The following ABCD2 variants were observed in gnomAD, a reference collection of about 807,000 sequenced individuals.
The protein encoded by ABCD2 is ATP binding cassette subfamily D member 2.
ABCD2 carries 36 observed loss-of-function variants against 70.9 expected under a neutral mutation model. That is an observed-to-expected ratio of 0.51 (90% CI 0.39 to 0.67). The LOEUF is 0.67. Ranked by LOEUF, ABCD2 falls within the 30% of genes least tolerant of loss-of-function variation. ABCD2 has a pLI of 0.00. For missense variants in ABCD2, 729 were observed against 890.2 expected (o/e 0.82, Z 2.30); for synonymous variants, 304 against 306.9 (o/e 0.99, Z 0.10).
chr12:39,587,919 A>C (rs1041778797), intron 6 of ABCD2, among the ~76,000 whole-genome samples: 4 of 152,246 alleles, frequency 2.6e-5, no homozygotes, highest in African/African-American at 9.6e-5. Context: ...ATTTCAGTCA[A>C]AGACAGAAAG....
At chr12:39,582,258 C>A (rs1015632013) in intron 7 of ABCD2, among the ~76,000 whole-genome samples, 1 of 152,148 alleles carries the variant, frequency 6.6e-6, no homozygotes, top group Non-Finnish European at 1.5e-5. Context: ...AGAACACTGA[C>A]TTTCAAGTCA....
chr12:39,577,859 G>A (rs1007736819), intron 8 of ABCD2, among the ~76,000 whole-genome samples: 9 of 152,054 alleles, frequency 5.9e-5, no homozygotes, highest in African/African-American at 2.2e-4. Flanking sequence ...CGAAACATTA[G>A]ACTTGTTAAA....
At chr12:39,566,097 T>C (rs986322811) in intron 9 of ABCD2, among the ~76,000 whole-genome samples, 1 of 152,162 alleles carries the variant, frequency 6.6e-6, no homozygotes, top group Non-Finnish European at 1.5e-5. Flanking sequence ...TCTCTTTTTT[T>C]GTTGTGTCTC....
At chr12:39,545,414 C>A (rs1941016674), downstream of ABCD2, among the ~76,000 whole-genome samples, 1 of 152,084 alleles carries the variant, frequency 6.6e-6, no homozygotes, top group South Asian at 2.1e-4. Flanking sequence ...CGCCTCACAA[C>A]ATGCAATGAA....
intron 7 of ABCD2, among the ~76,000 whole-genome samples, chr12:39,584,868 T>C (rs1210923149): frequency 2.0e-5 from 3 of 152,186 alleles, no homozygotes; most frequent in Admixed American, 6.5e-5. Context: ...TTCTGTTTCA[T>C]TGGTCTCTGT....
At chr12:39,580,709 ATACT>A (rs1178436899) in intron 7 of ABCD2, among the ~76,000 whole-genome samples, 1 of 152,194 alleles carries the variant, frequency 6.6e-6, no homozygotes, top group African/African-American at 2.4e-5. Flanking sequence ...AACCTAACAG[ATACT>A]TACAGCAAAA....
chr12:39,532,497 A>G, the ABCD2 span, among the ~76,000 whole-genome samples: 1 of 152,206 alleles, frequency 6.6e-6, no homozygotes, highest in African/African-American at 2.4e-5. Context: ...ACAAATTGGC[A>G]CTCATGCATT....
intron 6 of ABCD2, among the ~76,000 whole-genome samples, chr12:39,591,656 G>C (rs947202576): frequency 1.3e-5 from 2 of 152,148 alleles, no homozygotes; most frequent in African/African-American, 2.4e-5. Flanking sequence ...AGGTTGCAGT[G>C]AGCCAAGATT....
chr12:39,553,264 T>C lies in ABCD2; in HGVS notation c.*648A>G, dbSNP rs1941113744. 1 of 152,078 alleles carries C rather than the reference T, an allele frequency of 6.6e-6. No individual in the cohort carries two copies. Among genetic ancestry groups the C allele is most frequent in the Non-Finnish European group, 1.5e-5 (1 of 67,930 alleles). 9.4% of individuals were successfully genotyped at this position (152,078 alleles called of 1,614,324 possible). A position where few individuals can be genotyped will look rare whatever the true frequency, so the allele number is the denominator to read the frequency against. ...AGGATTTATTAAAAATATTTAAGAT[T>C]TGTACTAAAATTAATTTGTTATATG... On this transcript the variant is annotated 3_prime_UTR_variant, in exon 10 of 10. Transcript: ENST00000308666.
the ABCD2 span, among the ~76,000 whole-genome samples, chr12:39,541,185 G>A: frequency 6.6e-6 from 1 of 152,100 alleles, no homozygotes; most frequent in South Asian, 2.1e-4. Context: ...AAGAGTAATA[G>A]TAAAACTGCA....
intron 9 of ABCD2, among the ~76,000 whole-genome samples, chr12:39,569,398 G>A (rs1430222516): frequency 6.6e-6 from 1 of 152,208 alleles, no homozygotes; most frequent in African/African-American, 2.4e-5. Context: ...AATGAGCAAG[G>A]CTCCGTGGGC....
At chr12:39,583,488 AGT>A (rs1386154218) in intron 7 of ABCD2, among the ~76,000 whole-genome samples, 1 of 152,208 alleles carries the variant, frequency 6.6e-6, no homozygotes, top group East Asian at 1.9e-4. Context: ...ATTATTTGAA[AGT>A]GTGAATATAA....
chr12:39,618,781 C>T lies in ABCD2; in HGVS notation c.835G>A (p.Gly279Ser). Reference sequence around the variant, plus strand: ...TGTGCTTCCTCTGCCACCAGTTTGCCAAATTTGGGAGAACAGGCTTTTAAC... The same window carrying T: ...TGTGCTTCCTCTGCCACCAGTTTGCTAAATTTGGGAGAACAGGCTTTTAAC... Reference protein sequence around the residue: ...KVLKACSPKFGKLVAEEAHRK... With the variant: ...KVLKACSPKFSKLVAEEAHRK... Residue 279 changes from glycine to serine, a missense_variant, in exon 1 of 10, where the codon GGC (glycine) becomes AGC (serine). Gly to Ser is a moderately conservative substitution (Grantham distance 56). Around this residue, in one of 3 missense-constraint regions of ABCD2, gnomAD observed 195 missense variants for 300.2 expected, o/e 0.65. Coordinates refer to ENST00000308666, the MANE Select transcript of ABCD2 (RefSeq NM_005164.4). 6.2e-7 allele frequency: 1 copy of T among 1,614,200 alleles called. No individual in the cohort carries two copies. The highest frequency in any genetic ancestry group is 1.1e-5 in the South Asian group (1 of 91,088).
At chr12:39,599,859 T>C (rs1478928635) in intron 6 of ABCD2, among the ~76,000 whole-genome samples, 1 of 152,218 alleles carries the variant, frequency 6.6e-6, no homozygotes. Flanking sequence ...ATGGGATGTC[T>C]ATGTATCCAG....
the ABCD2 span, among the ~76,000 whole-genome samples, chr12:39,536,753 C>T: frequency 1.3e-5 from 2 of 152,230 alleles, no homozygotes; most frequent in South Asian, 4.1e-4. Flanking sequence ...TAAATGTTTA[C>T]TTTTCATTTT....
chr12:39,536,906 AG>A, the ABCD2 span, among the ~76,000 whole-genome samples: 11 of 152,288 alleles, frequency 7.2e-5, no homozygotes, highest in African/African-American at 2.2e-4. Context: ...CCCATGATAA[AG>A]CTTTATGTAT....
At chr12:39,569,332 A>G (rs7485730) in intron 9 of ABCD2, among the ~76,000 whole-genome samples, 52,770 of 152,084 alleles carry the variant, frequency 0.35, 11,039 homozygotes, top group African/African-American at 0.59. Context: ...AATGGCGGGC[A>G]CCCCTCCCCA....
At chr12:39,557,227 CTA>C (rs1187885219) in intron 9 of ABCD2, among the ~76,000 whole-genome samples, 1 of 152,116 alleles carries the variant, frequency 6.6e-6, no homozygotes, top group African/African-American at 2.4e-5. Flanking sequence ...CTGACTCTTG[CTA>C]TGTTTTAGCA....
intron 4 of ABCD2, among the ~76,000 whole-genome samples, chr12:39,604,489 TA>T (rs1941943907): frequency 6.6e-6 from 1 of 152,086 alleles, no homozygotes; most frequent in South Asian, 2.1e-4. Flanking sequence ...AGATGAATTT[TA>T]AAAGCAAACG....
Sources: allele counts gnomAD v4.1 joint callset (sites outside exome capture counted in the v4.1 genomes callset), GRCh38; gene constraint gnomAD v4.1.1; regional missense constraint gnomAD v4.1.1; transcripts MANE v1.5; gene names NCBI Gene and HGNC (gene_info 2026-07-23, HGNC 2026-07-21).